Variants in MPP7 observed in about 807,000 individuals in gnomAD.
MPP7 encodes the protein MAGUK p55 subfamily member 7.
A neutral mutation model predicts 76.5 loss-of-function variants in MPP7; 60 were observed. That is an observed-to-expected ratio of 0.78 (90% CI 0.64 to 0.97). The LOEUF (loss-of-function observed/expected upper bound fraction) is 0.97, where lower values mean the gene tolerates loss of function less well. Among genes scored for constraint, MPP7 ranks in the 50% least tolerant of loss-of-function variants. The probability of loss-of-function intolerance (pLI) is 0.00; values close to 1 mark genes in which losing one functional copy is unlikely to be tolerated. For synonymous variants in MPP7, 237 were observed against 244.5 expected, an observed-to-expected ratio of 0.97 and a Z score of 0.29; for missense variants, 641 against 694.0, an observed-to-expected ratio of 0.92 and a Z score of 0.86.
chr10:28,125,511 T>C (rs1028595914), intron 6 of MPP7, among the ~76,000 whole-genome samples: 49 of 152,122 alleles, frequency 3.2e-4, no homozygotes, highest in African/African-American at 1.1e-3. Flanking sequence ...AGACAAAAGA[T>C]TCTATATGTT....
chr10:28,056,142 C>T (rs1199028014), intron 16 of MPP7, among the ~76,000 whole-genome samples: 2 of 152,076 alleles, frequency 1.3e-5, no homozygotes, highest in African/African-American at 4.8e-5. Context: ...GTGGTGTGAT[C>T]TCAGCTCACT....
At chr10:28,187,408 C>T (rs905123861) in intron 3 of MPP7, among the ~76,000 whole-genome samples, 2 of 152,304 alleles carry the variant, frequency 1.3e-5, no homozygotes, top group Admixed American at 1.3e-4. Context: ...GCTTTTCCAA[C>T]AGAGCTGGCC....
intron 1 of MPP7, among the ~76,000 whole-genome samples, chr10:28,273,188 G>T (rs1840383263): frequency 1.3e-5 from 2 of 152,156 alleles, no homozygotes; most frequent in South Asian, 2.1e-4. Context: ...AAAGTTCTGG[G>T]ATTACAGGCG....
intron 3 of MPP7, among the ~76,000 whole-genome samples, chr10:28,180,332 C>T (rs1837020271): frequency 6.6e-6 from 1 of 152,114 alleles, no homozygotes; most frequent in Non-Finnish European, 1.5e-5. Flanking sequence ...ACAGGGACAT[C>T]TTACAAGACA....
chr10:28,310,163 G>A (rs1250318496), intron 2 of MPP7, among the ~76,000 whole-genome samples: 4 of 151,860 alleles, frequency 2.6e-5, no homozygotes, highest in Non-Finnish European at 4.4e-5. Flanking sequence ...CACCACACCC[G>A]GCTAATTGTT....
chr10:28,092,856 A>T lies in MPP7; in HGVS notation c.953-3015T>A, dbSNP rs192703345. 3.0e-3 allele frequency among the ~76,000 whole-genome samples: 446 copies of T among 150,446 alleles called. 4 individuals carry two copies. Among genetic ancestry groups the T allele is most frequent in the African/African-American group, 0.01 (411 of 40,898 alleles). ...CAGCCTCCAAAAGTGCTGGGATTATAGGCATGAGACACTGAACCCAGCCAC... is the reference window on the plus strand; with the variant it reads ...CAGCCTCCAAAAGTGCTGGGATTATTGGCATGAGACACTGAACCCAGCCAC... On this transcript the variant is annotated intron_variant, in intron 11 of 16. Coordinates refer to ENST00000683449, the MANE Select transcript of MPP7 (RefSeq NM_001318170.2).
chr10:28,297,834 T>C (rs910981713), intron 1 of MPP7, among the ~76,000 whole-genome samples: 1 of 152,266 alleles, frequency 6.6e-6, no homozygotes, highest in Non-Finnish European at 1.5e-5. Flanking sequence ...CTGCCACTGC[T>C]TTATTAACCA....
chr10:28,107,204 C>T (rs1242670058), intron 11 of MPP7, among the ~76,000 whole-genome samples: 1 of 152,138 alleles, frequency 6.6e-6, no homozygotes, highest in Non-Finnish European at 1.5e-5. Context: ...TTTCTTCTAT[C>T]TTTATCCCCC....
At chr10:28,327,231 T>TAAAAAAAAAAAAAAAAAAAAAAAAA (rs59442840) in intron 2 of MPP7, among the ~76,000 whole-genome samples, 1 of 95,752 alleles carries the variant, frequency 1.0e-5, no homozygotes. Flanking sequence ...GTCAAAGAAG[T>TAAAAAAAAAAAAAAAAAAAAAAAAA]AAAAAAAAAA....
intron 12 of MPP7, among the ~76,000 whole-genome samples, chr10:28,088,409 G>T (rs1409733664): frequency 6.6e-6 from 1 of 152,108 alleles, no homozygotes; most frequent in African/African-American, 2.4e-5. Context: ...GTTCTCAGGA[G>T]ATCTGATGGT....
At chr10:28,198,576 G>A (rs2801839) in intron 3 of MPP7, among the ~76,000 whole-genome samples, 77,404 of 148,944 alleles carry the variant, frequency 0.52, 22,638 homozygotes, top group East Asian at 0.99. Context: ...CTCTGTCTCA[G>A]AGAATTTAAA....
intron 5 of MPP7, among the ~76,000 whole-genome samples, chr10:28,133,308 T>A (rs1418250038): frequency 6.6e-6 from 1 of 152,310 alleles, no homozygotes; most frequent in South Asian, 2.1e-4. Context: ...TCCATTGGGA[T>A]GACCAAACTC....
chr10:28,274,757 T>C (rs11814117), intron 1 of MPP7, among the ~76,000 whole-genome samples: 22,860 of 152,114 alleles, frequency 0.15, 1,819 homozygotes, highest in South Asian at 0.19. Flanking sequence ...GGTTAAAAAA[T>C]CTAAATGCCT....
intron 3 of MPP7, among the ~76,000 whole-genome samples, chr10:28,167,767 A>G (rs764321768): frequency 6.6e-6 from 1 of 152,296 alleles, no homozygotes; most frequent in South Asian, 2.1e-4. Flanking sequence ...TTAACATCAA[A>G]TGTTTTCTAA....
rs1212924855 is a variant in MPP7, at chr10:28,053,810, C to A, written c.*255G>T. 1 of 429,044 alleles carries A rather than the reference C, an allele frequency of 2.3e-6. No homozygotes were observed. The highest frequency in any genetic ancestry group is 4.6e-5 in the East Asian group (1 of 21,534). The allele number at this position is 429,044 out of a possible 1,614,324, so 26.6% of individuals were successfully genotyped here. On this transcript the variant is annotated 3_prime_UTR_variant, in exon 17 of 17. Coordinates refer to ENST00000683449, the MANE Select transcript of MPP7 (RefSeq NM_001318170.2). ...TTTCAGCCTCATCTTGGAGATAGAG[C>A]GGTATTGAAGACAACGAGAAGGTTT...
intron 2 of MPP7, among the ~76,000 whole-genome samples, chr10:28,224,359 TAAA>T (rs56223552): frequency 1.4e-5 from 2 of 141,894 alleles, no homozygotes; most frequent in Admixed American, 7.1e-5. Context: ...ATATCAAAGT[TAAA>T]AAAAAAAAAA....
intron 11 of MPP7, among the ~76,000 whole-genome samples, chr10:28,106,774 AT>A (rs1834338679): frequency 6.6e-6 from 1 of 152,108 alleles, no homozygotes; most frequent in Admixed American, 6.5e-5. Context: ...ACACCTTGCA[AT>A]TTGGCTTCCG....
chr10:28,222,265 G>T (rs774727964), intron 2 of MPP7, among the ~76,000 whole-genome samples: 43 of 151,854 alleles, frequency 2.8e-4, no homozygotes, highest in Non-Finnish European at 4.7e-4. Context: ...TTGGGAGGCT[G>T]ATGCAGGAGG....
upstream of MPP7, among the ~76,000 whole-genome samples, chr10:28,306,613 G>A (rs561758420): frequency 1.6e-4 from 24 of 151,896 alleles, no homozygotes; most frequent in East Asian, 5.8e-4. Context: ...TTGCCACTGC[G>A]TTCCAGCCTG....
Sources: gnomAD v4.1 joint callset for allele counts (sites outside exome capture counted in the v4.1 genomes callset) on GRCh38, gnomAD v4.1.1 for gene constraint, MANE v1.5 for transcripts, NCBI Gene and HGNC (gene_info 2026-07-23, HGNC 2026-07-21) for gene names.